Variants in WWC1 observed in about 807,000 individuals in gnomAD.
The protein encoded by WWC1 is WW and C2 domain containing 1, also known as protein KIBRA.
A neutral mutation model predicts 138.4 loss-of-function variants in WWC1; 55 were observed. That is an observed-to-expected ratio of 0.40 (90% CI 0.32 to 0.50). The LOEUF is 0.50. WWC1 is among the 20% of genes least tolerant of loss of function. The pLI, the probability that WWC1 is intolerant of heterozygous loss-of-function variation, is 0.72. For synonymous variants in WWC1, 524 were observed against 564.9 expected, an observed-to-expected ratio of 0.93 and a Z score of 1.03; for missense variants, 1,226 against 1,420.4, an observed-to-expected ratio of 0.86 and a Z score of 2.20.
rs185167016 is a variant in WWC1, at chr5:168,410,639, A to T, written c.941+644A>T. Among the ~76,000 whole-genome samples the T allele has an allele frequency of 2.0e-4, 31 of 152,198 alleles. 1 individual carries two copies. The highest frequency in any genetic ancestry group is 7.2e-4 in the African/African-American group (30 of 41,438). Reference sequence around the variant, plus strand: ...GGCTGGTCTTGAACTCCTGGCCTTAATTGATCCTCCCACCTCAGCCTCCTG... The same window carrying T: ...GGCTGGTCTTGAACTCCTGGCCTTATTTGATCCTCCCACCTCAGCCTCCTG... On this transcript the variant is annotated intron_variant, in intron 8 of 22. Transcript: ENST00000265293.
chr5:168,431,826 T>G (rs1781971784), intron 15 of WWC1, among the ~76,000 whole-genome samples: 5 of 151,964 alleles, frequency 3.3e-5, no homozygotes, highest in African/African-American at 1.2e-4. Context: ...TCCCAACCCT[T>G]TGGGAGGCCA....
intron 1 of WWC1, among the ~76,000 whole-genome samples, chr5:168,297,510 C>T (rs534285109): frequency 1.5e-4 from 23 of 151,894 alleles, no homozygotes; most frequent in Admixed American, 1.2e-3. Flanking sequence ...CCTGTAATCC[C>T]GGCTACTCGG....
Position 168,430,207 on chromosome 5 carries a change from C to A in WWC1, c.2071C>A (p.Gln691Lys). 6.2e-7 allele frequency: 1 copy of A among 1,613,706 alleles called. No individual in the cohort carries two copies. The highest frequency in any genetic ancestry group is 1.3e-5 in the African/African-American group (1 of 75,068). Residue 691 changes from glutamine to lysine, a missense_variant, in exon 14 of 23, where the codon CAA (glutamine) becomes AAA (lysine). Around this residue, in one of 3 missense-constraint regions of WWC1, gnomAD observed 1,016 missense variants for 1,153.9 expected, o/e 0.88. Coordinates refer to ENST00000265293, the MANE Select transcript of WWC1 (RefSeq NM_015238.3). ...GAGTAACCTTTCTGCTCTGTTGCAG[C>A]AACAAGACCAGAAAGTGTGAGTATG... is the stretch of plus-strand genomic sequence containing the variant. Reference protein sequence around the residue: ...QLSNLSALLQQQDQKVNIRVA... With the variant: ...QLSNLSALLQKQDQKVNIRVA...
chr5:168,431,921 G>T (rs1018871242), intron 15 of WWC1, among the ~76,000 whole-genome samples: 2 of 151,956 alleles, frequency 1.3e-5, no homozygotes, highest in Admixed American at 1.3e-4. Context: ...AATAAAATTA[G>T]CCAGGCATAG....
chr5:168,363,229 A>G (rs756256327), intron 1 of WWC1, among the ~76,000 whole-genome samples: 7 of 152,102 alleles, frequency 4.6e-5, no homozygotes, highest in African/African-American at 7.2e-5. Context: ...TAACTTTCTA[A>G]AAAGAGAGAG....
At position 168,326,216 on chromosome 5, in the gene WWC1, C is replaced by CTTTTTTTTTTTTTTTTTTTTTTTTTTTTT. The variant is rs796347858; in HGVS notation, c.119+33963_119+33964insTTTTTTTTTTTTTTTTTTTTTTTTTTTTT. ...TGGCTCAGGACACCGACCTGATAGT[C>CTTTTTTTTTTTTTTTTTTTTTTTTTTTTT]TTTTTTTTTTTTTTTTTTGGGACGG... is the stretch of plus-strand genomic sequence containing the variant. On this transcript the variant is annotated intron_variant, in intron 1 of 22. Coordinates refer to ENST00000265293, the MANE Select transcript of WWC1 (RefSeq NM_015238.3). Among the ~76,000 whole-genome samples, 7 of 113,282 alleles carry CTTTTTTTTTTTTTTTTTTTTTTTTTTTTT rather than the reference C, an allele frequency of 6.2e-5. 2 individuals are homozygous for CTTTTTTTTTTTTTTTTTTTTTTTTTTTTT. Among genetic ancestry groups the CTTTTTTTTTTTTTTTTTTTTTTTTTTTTT allele is most frequent in the African/African-American group, 2.4e-4 (7 of 29,108 alleles). The allele number at this position is 113,282 out of a possible 152,430, so 74.3% of individuals were successfully genotyped here. A position where few individuals can be genotyped will look rare whatever the true frequency, so the allele number is the denominator to read the frequency against.
intron 1 of WWC1, among the ~76,000 whole-genome samples, chr5:168,339,841 CTT>C (rs1203634297): frequency 6.9e-6 from 1 of 144,624 alleles, no homozygotes; most frequent in African/African-American, 2.7e-5. Context: ...TTTTTCTTTT[CTT>C]TCTTTCTTTC....
Position 168,423,866 on chromosome 5 carries a change from A to C in WWC1, c.1608A>C (p.Pro536=). The stretch of plus-strand genomic sequence containing the variant: ...CAAAGTCCATGACCTCCCTATCCCC[A>C]CGTTCCTCTCTCTCCTCCCCCTCCC... ...GTPKSMTSLS[P]RSSLSSPSPP... The change falls in exon 11 of 23, where the codon CCA becomes CCC. Residue 536 remains proline, a synonymous_variant. Coordinates refer to ENST00000265293, the MANE Select transcript of WWC1 (RefSeq NM_015238.3). 1.9e-6 allele frequency: 3 copies of C among 1,613,402 alleles called. No homozygotes were observed. The highest frequency in any genetic ancestry group is 2.5e-6 in the Non-Finnish European group (3 of 1,179,812).
intron 19 of WWC1, among the ~76,000 whole-genome samples, chr5:168,455,882 G>T (rs141987366): frequency 6.6e-6 from 1 of 152,024 alleles, no homozygotes; most frequent in Non-Finnish European, 1.5e-5. Context: ...CAATTCTAGT[G>T]TACAGCCTGA....
intron 16 of WWC1, among the ~76,000 whole-genome samples, chr5:168,442,919 G>T (rs1053026732): frequency 6.6e-6 from 1 of 151,594 alleles, no homozygotes; most frequent in African/African-American, 2.4e-5. Context: ...TCATTTTAGC[G>T]CAGTACGCTT....
intron 1 of WWC1, among the ~76,000 whole-genome samples, chr5:168,351,362 G>C (rs556608647): frequency 3.3e-5 from 5 of 152,232 alleles, no homozygotes; most frequent in Admixed American, 1.3e-4. Context: ...GTTTTTTCCT[G>C]CCTTGCAAGT....
At chr5:168,386,259 A>C (rs1778036438) in intron 3 of WWC1, among the ~76,000 whole-genome samples, 1 of 151,818 alleles carries the variant, frequency 6.6e-6, no homozygotes, top group Non-Finnish European at 1.5e-5. Context: ...ATCACAATAC[A>C]TCTGCTTGTA....
Position 168,292,282 on chromosome 5 carries a change from G to A in WWC1, c.119+11G>A. On this transcript the variant is annotated intron_variant, in intron 1 of 22. Transcript: ENST00000265293. The surrounding 1 kb of genome is among the most constrained non-coding windows in gnomAD (Gnocchi z 4.4). ...CGACCCGCGGGACAGGTAGGACCCT[G>A]GAACCCTCCTCCGTGCCCCCACACC... is the stretch of plus-strand genomic sequence containing the variant. 2 of 1,589,608 alleles carry A rather than the reference G, an allele frequency of 1.3e-6. No homozygotes were observed. Among genetic ancestry groups the A allele is most frequent in the East Asian group, 2.3e-5 (1 of 43,398 alleles).
At chr5:168,298,912 C>A (rs917725869) in intron 1 of WWC1, among the ~76,000 whole-genome samples, 13 of 152,050 alleles carry the variant, frequency 8.5e-5, no homozygotes, top group African/African-American at 2.9e-4. Context: ...GGTGAAACCA[C>A]GTCTCTACTA....
intron 5 of WWC1, among the ~76,000 whole-genome samples, chr5:168,403,593 G>C (rs1779552556): frequency 6.6e-6 from 1 of 152,216 alleles, no homozygotes; most frequent in South Asian, 2.1e-4. Flanking sequence ...AGATTGCAAA[G>C]AAAAATCAAG....
chr5:168,407,975 A>G (rs1582189673), intron 6 of WWC1, among the ~76,000 whole-genome samples: 1 of 138,176 alleles, frequency 7.2e-6, no homozygotes, highest in East Asian at 2.1e-4. Flanking sequence ...CAATCCTCCC[A>G]CCTCAGCCTC....
At chr5:168,352,381 T>C (rs1775036584) in intron 1 of WWC1, among the ~76,000 whole-genome samples, 1 of 152,164 alleles carries the variant, frequency 6.6e-6, no homozygotes, top group Admixed American at 6.5e-5. Context: ...CTCTGCACTT[T>C]TTCCTGATAC....
At chr5:168,460,575 C>T (rs1236527276) in intron 19 of WWC1, 75 bp from the exon 20 acceptor site, 18 of 1,458,098 alleles carry the variant, frequency 1.2e-5, no homozygotes, top group Non-Finnish European at 1.6e-5. Context: ...GGAACCTGAC[C>T]TCCCTCTAGG....
chr5:168,419,587 G>C (rs1561738244), intron 9 of WWC1, among the ~76,000 whole-genome samples: 2 of 152,186 alleles, frequency 1.3e-5, no homozygotes, highest in Non-Finnish European at 2.9e-5. Flanking sequence ...GATTCAGCAG[G>C]TCAAAGTAGG....
Sources: allele counts gnomAD v4.1 joint callset (sites outside exome capture counted in the v4.1 genomes callset), GRCh38; gene constraint gnomAD v4.1.1; regional missense constraint gnomAD v4.1.1; non-coding constraint Gnocchi (gnomAD v3.1); transcripts MANE v1.5; gene names NCBI Gene and HGNC (gene_info 2026-07-23, HGNC 2026-07-21).